PLPPR1: variants seen among roughly 807,000 people sequenced by gnomAD.
PLPPR1 encodes the protein phospholipid phosphatase-related protein type 1.
Under a neutral mutation model 33.1 loss-of-function variants are expected in PLPPR1, and 10 were observed. The observed-to-expected ratio is 0.30, with a 90% confidence interval of 0.19 to 0.51. The LOEUF is 0.51. Among genes scored for constraint, PLPPR1 ranks in the 20% least tolerant of loss-of-function variants. The probability of loss-of-function intolerance (pLI) is 0.97; values close to 1 mark genes in which losing one functional copy is unlikely to be tolerated. For missense variants in PLPPR1, 304 were observed against 408.1 expected, an observed-to-expected ratio of 0.74 and a Z score of 2.20; for synonymous variants, 151 against 151.0, an observed-to-expected ratio of 1.00 and a Z score of 0.00.
chr9:101,222,865 A>G (rs1247871002), intron 2 of PLPPR1, among the ~76,000 whole-genome samples: 1 of 151,436 alleles, frequency 6.6e-6, no homozygotes, highest in African/African-American at 2.4e-5. Flanking sequence ...TTATTAATTC[A>G]CCCACAGACA....
chr9:101,221,212 C>T (rs781148854), intron 2 of PLPPR1, among the ~76,000 whole-genome samples: 1 of 152,144 alleles, frequency 6.6e-6, no homozygotes, highest in Admixed American at 6.5e-5. Flanking sequence ...ATACGCTGCA[C>T]TGTATTTGTT....
chr9:101,147,765 CATT>C (rs1195081234), intron 1 of PLPPR1, among the ~76,000 whole-genome samples: 1 of 152,204 alleles, frequency 6.6e-6, no homozygotes, highest in Non-Finnish European at 1.5e-5. Flanking sequence ...ACTTTACTCT[CATT>C]ATCCTGTCAA....
chr9:101,136,058 C>A (rs1831374167), intron 1 of PLPPR1, among the ~76,000 whole-genome samples: 1 of 152,224 alleles, frequency 6.6e-6, no homozygotes, highest in African/African-American at 2.4e-5. Flanking sequence ...TCCCCCTCAT[C>A]AGCTTTAATC....
chr9:101,270,022 C>A lies in PLPPR1; in HGVS notation c.206C>A (p.Thr69Asn), dbSNP rs1564022795. The A allele has an allele frequency of 6.2e-7, 1 of 1,614,206 alleles. No individual in the cohort carries two copies. Among genetic ancestry groups the A allele is most frequent in the Non-Finnish European group, 8.5e-7 (1 of 1,180,022 alleles). ...YPGTEEESFI[T>N]PLVLYCVLAA... is the part of the protein sequence containing the mutation. ...GGGACAGAGGAAGAAAGCTTCATCA[C>A]CCCTCTGGTGCTCTATTGTGTGCTG... Residue 69 changes from threonine to asparagine, a missense_variant, in exon 3 of 8, where the codon ACC becomes AAC. Thr to Asn is a moderately conservative substitution (Grantham distance 65). Transcript: ENST00000374874.
At chr9:101,056,921 A>G (rs1200164262) in intron 1 of PLPPR1, among the ~76,000 whole-genome samples, 1 of 152,104 alleles carries the variant, frequency 6.6e-6, no homozygotes, top group Non-Finnish European at 1.5e-5. Context: ...GTTATTCTCC[A>G]CTGCTCCTCA....
At chr9:101,185,829 T>G (rs1214797653) in intron 2 of PLPPR1, among the ~76,000 whole-genome samples, 1 of 151,836 alleles carries the variant, frequency 6.6e-6, no homozygotes, top group Non-Finnish European at 1.5e-5. Context: ...TTTTATTATA[T>G]TTCTTCTATT....
At chr9:101,083,088 A>T (rs906278280) in intron 1 of PLPPR1, among the ~76,000 whole-genome samples, 2 of 152,124 alleles carry the variant, frequency 1.3e-5, no homozygotes, top group African/African-American at 4.8e-5. Flanking sequence ...TAAACGCCTG[A>T]TTCTACAGCA....
intron 4 of PLPPR1, among the ~76,000 whole-genome samples, chr9:101,294,751 A>C (rs1165415257): frequency 6.6e-6 from 1 of 152,010 alleles, no homozygotes; most frequent in Non-Finnish European, 1.5e-5. Context: ...AAAATTCAAC[A>C]ACCTTCATGC....
Position 101,225,975 on chromosome 9 carries a change from C to T in PLPPR1, c.63+40418C>T, listed in dbSNP as rs149145547. On this transcript the variant is annotated intron_variant, in intron 2 of 7. Transcript: ENST00000374874. ...GAGATTAAAGTCATTTTTCGTAGATCGTACAGTAAGTAAGTGAGAAAACTG... is the reference window on the plus strand; with the variant it reads ...GAGATTAAAGTCATTTTTCGTAGATTGTACAGTAAGTAAGTGAGAAAACTG... 1.4e-3 allele frequency among the ~76,000 whole-genome samples: 210 copies of T among 152,034 alleles called. 1 individual carries two copies. The highest frequency in any genetic ancestry group is 4.9e-3 in the African/African-American group (204 of 41,478).
At chr9:101,139,096 A>C (rs1219090790) in intron 1 of PLPPR1, among the ~76,000 whole-genome samples, 1 of 152,174 alleles carries the variant, frequency 6.6e-6, no homozygotes, top group East Asian at 1.9e-4. Flanking sequence ...CAATGTCTTC[A>C]AAGGGTGAAG....
intron 1 of PLPPR1, among the ~76,000 whole-genome samples, chr9:101,082,435 A>AT (rs1310721800): frequency 1.3e-5 from 2 of 151,900 alleles, no homozygotes; most frequent in African/African-American, 4.8e-5. Context: ...TTTTATTTTT[A>AT]TTTTTTTAGG....
chr9:101,117,288 G>A (rs1446389341), intron 1 of PLPPR1, among the ~76,000 whole-genome samples: 1 of 152,052 alleles, frequency 6.6e-6, no homozygotes. Flanking sequence ...AGACTGCAGT[G>A]GAGAAGCCAG....
intron 7 of PLPPR1, among the ~76,000 whole-genome samples, chr9:101,321,211 A>G (rs1167597911): frequency 1.3e-5 from 2 of 152,128 alleles, no homozygotes; most frequent in East Asian, 1.9e-4. Flanking sequence ...AATCCATCCC[A>G]CTATTCAAAA....
intron 2 of PLPPR1, among the ~76,000 whole-genome samples, chr9:101,201,531 A>G (rs1826492062): frequency 6.6e-6 from 1 of 152,152 alleles, no homozygotes; most frequent in African/African-American, 2.4e-5. Flanking sequence ...TCAGCAGGTT[A>G]CTGACCATCT....
At chr9:101,075,156 A>T (rs866437340) in intron 1 of PLPPR1, among the ~76,000 whole-genome samples, 2 of 152,160 alleles carry the variant, frequency 1.3e-5, no homozygotes, top group African/African-American at 4.8e-5. Flanking sequence ...TTTGGGTTGA[A>T]AACTGAATTT....
chr9:101,270,295 TG>T (rs572882609), intron 3 of PLPPR1, among the ~76,000 whole-genome samples: 117 of 150,342 alleles, frequency 7.8e-4, no homozygotes, highest in Non-Finnish European at 7.6e-4. Flanking sequence ...TTTAAAAAGA[TG>T]TTTTTTTTTA....
chr9:101,219,766 G>T (rs1022630157), intron 2 of PLPPR1, among the ~76,000 whole-genome samples: 15 of 152,126 alleles, frequency 9.9e-5, no homozygotes, highest in Non-Finnish European at 1.8e-4. Context: ...TTCTAATTGG[G>T]TAATCAAGCT....
chr9:101,222,408 T>C (rs1826963976), intron 2 of PLPPR1, among the ~76,000 whole-genome samples: 2 of 152,134 alleles, frequency 1.3e-5, no homozygotes, highest in Admixed American at 1.3e-4. Flanking sequence ...AGTCCTCAAA[T>C]TGGGTTCTGC....
intron 2 of PLPPR1, among the ~76,000 whole-genome samples, chr9:101,265,869 G>A (rs770178705): frequency 2.6e-5 from 4 of 151,986 alleles, no homozygotes; most frequent in Admixed American, 1.3e-4. Flanking sequence ...GGTGGTGTGC[G>A]CCTGTAATCC....
Sources: allele counts gnomAD v4.1 joint callset (sites outside exome capture counted in the v4.1 genomes callset), GRCh38; gene constraint gnomAD v4.1.1; transcripts MANE v1.5; gene names NCBI Gene and HGNC (gene_info 2026-07-23, HGNC 2026-07-21).